ARMC2: variants seen among roughly 807,000 people sequenced by gnomAD.
ARMC2 encodes the protein armadillo repeat-containing protein 2.
Under a neutral mutation model 90.3 loss-of-function variants are expected in ARMC2, and 67 were observed. That is an observed-to-expected ratio of 0.74 (90% CI 0.61 to 0.91). The LOEUF (loss-of-function observed/expected upper bound fraction) is 0.91, where lower values mean the gene tolerates loss of function less well. Ranked by LOEUF, ARMC2 falls within the 40% of genes least tolerant of loss-of-function variation. ARMC2 has a pLI of 0.00. For synonymous variants in ARMC2, 393 were observed against 393.0 expected (o/e 1.00, Z 0.00); for missense variants, 920 against 1,030.9 (o/e 0.89, Z 1.47).
rs189904016 is a variant in ARMC2, at chr6:108,919,418, C to A, written c.1350+6860C>A. Among the ~76,000 whole-genome samples the A allele has an allele frequency of 1.3e-4, 20 of 152,228 alleles. No individual in the cohort carries two copies. In the East Asian group the frequency reaches 3.9e-3, roughly 29 times the overall value. On this transcript the variant is annotated intron_variant, in intron 10 of 17. Transcript: ENST00000392644. ...TCAGAACCAAGGTAGCAGTGTCTAC[C>A]AGTAGAACTTTGCTCTGATTATTGG...
At chr6:108,899,858 T>C (rs1771952864) in intron 7 of ARMC2, 66 bp downstream of exon 7, 1 of 1,221,464 alleles carries the variant, frequency 8.2e-7, no homozygotes, top group Non-Finnish European at 1.2e-6. Context: ...CTGTAGTTAT[T>C]TATGTGTTCC....
chr6:108,948,408 AT>A (rs1776955535), intron 12 of ARMC2, among the ~76,000 whole-genome samples: 1 of 152,098 alleles, frequency 6.6e-6, no homozygotes, highest in African/African-American at 2.4e-5. Flanking sequence ...CCCTAGGTCC[AT>A]GTAGAATATA....
chr6:108,956,107 G>A (rs200334815), intron 13 of ARMC2, among the ~76,000 whole-genome samples: 59 of 152,144 alleles, frequency 3.9e-4, no homozygotes, highest in East Asian at 1.4e-3. Flanking sequence ...GCCTGAAACC[G>A]ACTGGGCGAA....
chr6:108,946,036 CT>C (rs1417152284), intron 12 of ARMC2, among the ~76,000 whole-genome samples: 1 of 152,240 alleles, frequency 6.6e-6, no homozygotes, highest in Non-Finnish European at 1.5e-5. Flanking sequence ...GAGCTTGCTC[CT>C]TTTTTCAGCC....
At chr6:108,909,035 A>G (rs1286263048) in intron 8 of ARMC2, among the ~76,000 whole-genome samples, 1 of 152,206 alleles carries the variant, frequency 6.6e-6, no homozygotes, top group Non-Finnish European at 1.5e-5. Flanking sequence ...ATGCCCTTGC[A>G]CTCTAAGCTG....
At chr6:108,984,404 C>T in the ARMC2 span, among the ~76,000 whole-genome samples, 1 of 152,188 alleles carries the variant, frequency 6.6e-6, no homozygotes, top group African/African-American at 2.4e-5. Flanking sequence ...TTCTTCCTCA[C>T]AGATGGCACA....
chr6:108,929,425 CACTGTACTT>C (rs1046774012), intron 11 of ARMC2, among the ~76,000 whole-genome samples: 3 of 152,168 alleles, frequency 2.0e-5, no homozygotes, highest in African/African-American at 7.2e-5. Context: ...ACCTGTACCA[CACTGTACTT>C]ACTATTACAG....
intron 3 of ARMC2, among the ~76,000 whole-genome samples, chr6:108,861,736 C>G (rs185388499): frequency 5.0e-4 from 76 of 152,304 alleles, no homozygotes; most frequent in African/African-American, 1.8e-3. Flanking sequence ...CCTGAGGACC[C>G]AGTTCGGCAG....
chr6:108,912,758 C>T (rs1442941757), intron 10 of ARMC2, among the ~76,000 whole-genome samples, 200 bp downstream of exon 10: 1 of 152,198 alleles, frequency 6.6e-6, no homozygotes, highest in Non-Finnish European at 1.5e-5. Flanking sequence ...ATGGCTATTA[C>T]AAGAGCAGCT....
chr6:108,982,945 A>G, the ARMC2 span, among the ~76,000 whole-genome samples: 1 of 151,102 alleles, frequency 6.6e-6, no homozygotes, highest in Non-Finnish European at 1.5e-5. Flanking sequence ...CTCAGCCTCC[A>G]GAGTAATCCC....
chr6:108,974,676 C>T (rs1004388784), downstream of ARMC2, among the ~76,000 whole-genome samples: 1 of 152,062 alleles, frequency 6.6e-6, no homozygotes, highest in Non-Finnish European at 1.5e-5. Flanking sequence ...TACTACTCTG[C>T]TTGGAGAAAA....
chr6:109,036,307 C>T, the ARMC2 span, among the ~76,000 whole-genome samples: 7 of 152,228 alleles, frequency 4.6e-5, no homozygotes, highest in East Asian at 1.3e-3. Flanking sequence ...GTTGGCTTTA[C>T]GATTTGTCTG....
Position 108,868,888 on chromosome 6 carries a change from C to A in ARMC2, c.356C>A (p.Pro119Gln), listed in dbSNP as rs764897142. 29 of 1,613,888 alleles carry A rather than the reference C, an allele frequency of 1.8e-5. 1 individual carries two copies. Among genetic ancestry groups the A allele is most frequent in the East Asian group, 4.5e-5 (2 of 44,896 alleles). Residue 119 changes from proline (P) to glutamine (Q), a missense_variant, in exon 4 of 18, where the codon CCA (proline) becomes CAA (glutamine). Pro to Gln is a moderately conservative substitution (Grantham distance 76). Coordinates refer to ENST00000392644, the MANE Select transcript of ARMC2 (RefSeq NM_032131.6). ...TCCTGCTTTTCCTTTCCTAAGCCCC[C>A]AGTGGACCCTGCGAAGATTAGAAGA... Reference protein sequence around the residue: ...EDSCFSFPKPPVDPAKIRRVS... With the variant: ...EDSCFSFPKPQVDPAKIRRVS...
At chr6:108,859,296 G>C (rs1262492089) in intron 3 of ARMC2, among the ~76,000 whole-genome samples, 1 of 152,052 alleles carries the variant, frequency 6.6e-6, no homozygotes, top group Non-Finnish European at 1.5e-5. Flanking sequence ...CTCTCCTGGG[G>C]TGCCCCTCAC....
chr6:108,887,345 A>G (rs1349015276), intron 5 of ARMC2, among the ~76,000 whole-genome samples: 1 of 152,226 alleles, frequency 6.6e-6, no homozygotes, highest in African/African-American at 2.4e-5. Flanking sequence ...TAGCAGTGCC[A>G]TAGCCACAGA....
chr6:109,009,262 G>C, the ARMC2 span: 1 of 1,133,304 alleles, frequency 8.8e-7, no homozygotes, highest in African/African-American at 1.6e-5. Flanking sequence ...GAGCGACTGT[G>C]AGGAGGCAAC....
chr6:108,874,295 T>A (rs1450904039), intron 4 of ARMC2, among the ~76,000 whole-genome samples: 2 of 152,236 alleles, frequency 1.3e-5, no homozygotes, highest in African/African-American at 4.8e-5. Flanking sequence ...GTTTCCCTTC[T>A]AGAAGCTCCA....
chr6:108,882,388 G>A (rs374939941), intron 5 of ARMC2, among the ~76,000 whole-genome samples: 92 of 150,292 alleles, frequency 6.1e-4, no homozygotes, highest in African/African-American at 2.1e-3. Flanking sequence ...TCAGTGAGCC[G>A]AGATCATGCC....
intron 6 of ARMC2, among the ~76,000 whole-genome samples, chr6:108,897,544 G>A (rs1207954148): frequency 1.3e-5 from 2 of 152,040 alleles, no homozygotes; most frequent in Non-Finnish European, 2.9e-5. Context: ...TGGATGCCCT[G>A]TGTGGCTCAG....
Sources: gnomAD v4.1 joint callset for allele counts (sites outside exome capture counted in the v4.1 genomes callset) on GRCh38, gnomAD v4.1.1 for gene constraint, MANE v1.5 for transcripts, NCBI Gene and HGNC (gene_info 2026-07-23, HGNC 2026-07-21) for gene names.